The following LIMCH1 variants were observed in gnomAD, a reference collection of about 807,000 sequenced individuals.
LIMCH1 encodes LIM and calponin homology domains 1, also known as LIM and calponin homology domains-containing protein 1.
Under a neutral mutation model 176.5 loss-of-function variants are expected in LIMCH1, and 113 were observed. That is an observed-to-expected ratio of 0.64 (90% CI 0.55 to 0.75). The LOEUF is 0.75. Among genes scored for constraint, LIMCH1 ranks in the 30% least tolerant of loss-of-function variants. The probability of loss-of-function intolerance (pLI) is 0.00; values close to 1 mark genes in which losing one functional copy is unlikely to be tolerated. For synonymous variants in LIMCH1, 619 were observed against 645.9 expected (o/e 0.96, Z 0.63); for missense variants, 1,674 against 1,814.9 (o/e 0.92, Z 1.41).
intron 23 of LIMCH1, 44 bp downstream of exon 23, chr4:41,676,506 C>A: frequency 7.1e-7 from 1 of 1,400,814 alleles, no homozygotes; most frequent in Non-Finnish European, 1.0e-6. Flanking sequence ...CTTTTTTGTC[C>A]TCTTGCTTTC....
chr4:41,583,416 G>A (rs961974060), intron 1 of LIMCH1, among the ~76,000 whole-genome samples: 2 of 152,096 alleles, frequency 1.3e-5, no homozygotes, highest in African/African-American at 2.4e-5. Flanking sequence ...GTGTTAACTC[G>A]TTTTAGTTGC....
intron 1 of LIMCH1, among the ~76,000 whole-genome samples, chr4:41,427,625 A>G (rs923894587): frequency 5.9e-5 from 9 of 152,202 alleles, no homozygotes; most frequent in Non-Finnish European, 1.3e-4. Flanking sequence ...CAAAACATCA[A>G]TGTTGATTGT....
chr4:41,433,247 G>A (rs1293030466), intron 1 of LIMCH1, among the ~76,000 whole-genome samples: 1 of 152,150 alleles, frequency 6.6e-6, no homozygotes, highest in African/African-American at 2.4e-5. Flanking sequence ...GCTTACTCTA[G>A]TCGTTTTGCG....
At chr4:41,695,987 G>A (rs1305403838) in intron 31 of LIMCH1, among the ~76,000 whole-genome samples, 2 of 152,080 alleles carry the variant, frequency 1.3e-5, no homozygotes, top group African/African-American at 4.8e-5. Context: ...GAGTGGAGAT[G>A]GATAGATGTG....
At chr4:41,538,760 C>T (rs1583693619) in intron 1 of LIMCH1, among the ~76,000 whole-genome samples, 1 of 152,228 alleles carries the variant, frequency 6.6e-6, no homozygotes, top group South Asian at 2.1e-4. Flanking sequence ...CATGGTGGGG[C>T]TGCTTCACCT....
chr4:41,436,060 TG>T (rs1258072366), intron 1 of LIMCH1, among the ~76,000 whole-genome samples: 2 of 152,238 alleles, frequency 1.3e-5, no homozygotes. Context: ...TTATTACTTT[TG>T]TAAAGTTTAG....
At chr4:41,517,030 G>A (rs1398423107) in intron 2 of LIMCH1, among the ~76,000 whole-genome samples, 1 of 152,168 alleles carries the variant, frequency 6.6e-6, no homozygotes, top group Non-Finnish European at 1.5e-5. Flanking sequence ...CTGTGGAAAT[G>A]TATTTCCACT....
intron 1 of LIMCH1, among the ~76,000 whole-genome samples, chr4:41,403,440 G>C (rs1355791058): frequency 1.3e-5 from 2 of 152,096 alleles, no homozygotes; most frequent in Non-Finnish European, 2.9e-5. Flanking sequence ...AATTAGCCAG[G>C]GGTGGTGGCG....
At chr4:41,486,084 G>A (rs2069478097) in intron 1 of LIMCH1, among the ~76,000 whole-genome samples, 1 of 152,222 alleles carries the variant, frequency 6.6e-6, no homozygotes, top group African/African-American at 2.4e-5. Flanking sequence ...CAATGGGCAA[G>A]GATCAAGAGG....
Position 41,606,533 on chromosome 4 carries a change from A to G in LIMCH1, c.9+529A>G, listed in dbSNP as rs142223074. On this transcript the variant is annotated intron_variant, in intron 4 of 31. Transcript: ENST00000503057. ...ATGTTATAGCCACTGTTTTTGAATGACATAGGAATTTGGAAAACATTTCAT... is the reference window on the plus strand; with the variant it reads ...ATGTTATAGCCACTGTTTTTGAATGGCATAGGAATTTGGAAAACATTTCAT... 4.8e-3 allele frequency among the ~76,000 whole-genome samples: 734 copies of G among 152,306 alleles called. 4 individuals carry two copies. Among genetic ancestry groups the G allele is most frequent in the African/African-American group, 0.017 (705 of 41,562 alleles).
At chr4:41,693,586 T>G (rs972390177) in intron 31 of LIMCH1, among the ~76,000 whole-genome samples, 1 of 150,348 alleles carries the variant, frequency 6.7e-6, no homozygotes, top group Admixed American at 6.7e-5. Context: ...GTATACCATA[T>G]ATCATAAATA....
At chr4:41,455,690 C>T (rs2064505843) in intron 1 of LIMCH1, among the ~76,000 whole-genome samples, 1 of 152,176 alleles carries the variant, frequency 6.6e-6, no homozygotes, top group African/African-American at 2.4e-5. Flanking sequence ...CTGATGAGGA[C>T]CTCTGCATTT....
intron 8 of LIMCH1, among the ~76,000 whole-genome samples, chr4:41,627,511 C>G (rs899029055): frequency 2.6e-5 from 4 of 152,162 alleles, no homozygotes; most frequent in Non-Finnish European, 5.9e-5. Context: ...TTCTGTCACA[C>G]CAGCAACATC....
rs562829937 is a variant in LIMCH1 at position 41,398,103 on chromosome 4, T to C, written c.96+37167T>C. Among the ~76,000 whole-genome samples the C allele has an allele frequency of 4.6e-5, 7 of 151,446 alleles. 2 individuals are homozygous for C. The highest frequency in any genetic ancestry group is 1.7e-4 in the African/African-American group (7 of 41,402). ...TATTCTTGCATGAGCCCAGATACTTTAAATTAAAAAAAAAGAAATGTTGAA... is the reference window on the plus strand; with the variant it reads ...TATTCTTGCATGAGCCCAGATACTTCAAATTAAAAAAAAAGAAATGTTGAA... On this transcript the variant is annotated intron_variant, in intron 1 of 26. Transcript: ENST00000313860.
intron 1 of LIMCH1, among the ~76,000 whole-genome samples, chr4:41,486,161 G>A (rs1057107563): frequency 6.6e-6 from 1 of 152,160 alleles, no homozygotes; most frequent in Admixed American, 6.5e-5. Context: ...TTCCCCTACT[G>A]GCCCCTGAAT....
intron 3 of LIMCH1, among the ~76,000 whole-genome samples, chr4:41,531,288 G>A (rs1040287973): frequency 6.6e-6 from 1 of 151,922 alleles, no homozygotes; most frequent in African/African-American, 2.4e-5. Flanking sequence ...ACTGCTACAT[G>A]TAATGTTTCT....
chr4:41,562,108 C>T (rs1321097617), intron 1 of LIMCH1, among the ~76,000 whole-genome samples: 2 of 152,136 alleles, frequency 1.3e-5, no homozygotes, highest in Non-Finnish European at 2.9e-5. Flanking sequence ...TCAGGTGTTC[C>T]TGGTGCCAGG....
intron 1 of LIMCH1, among the ~76,000 whole-genome samples, chr4:41,452,892 G>T (rs2064067975): frequency 6.6e-6 from 1 of 152,196 alleles, no homozygotes; most frequent in South Asian, 2.1e-4. Context: ...GCTGGTTCTT[G>T]AGGGTGGAGA....
intron 2 of LIMCH1, 46 bp from the exon 3 acceptor site, chr4:41,603,829 G>C: frequency 1.4e-6 from 2 of 1,394,876 alleles, no homozygotes. Context: ...TCACAATTTA[G>C]AATCTGCTAT....
Sources: allele counts gnomAD v4.1 joint callset (sites outside exome capture counted in the v4.1 genomes callset), GRCh38; gene constraint gnomAD v4.1.1; transcripts MANE v1.5; gene names NCBI Gene and HGNC (gene_info 2026-07-23, HGNC 2026-07-21).